The following NBAS variants were observed in gnomAD, a reference collection of about 807,000 sequenced individuals.
The protein encoded by NBAS is NAG/BC035112 fusion.
NBAS carries 219 observed loss-of-function variants against 302.5 expected under a neutral mutation model. That is an observed-to-expected ratio of 0.72 (90% CI 0.65 to 0.81). NBAS has a LOEUF of 0.81. Ranked by LOEUF, NBAS falls within the 30% of genes least tolerant of loss-of-function variation. NBAS has a pLI of 0.00. For missense variants in NBAS, 2,932 were observed against 2,841.6 expected, an observed-to-expected ratio of 1.03 and a Z score of -0.72; for synonymous variants, 1,118 against 1,021.6, an observed-to-expected ratio of 1.09 and a Z score of -1.80.
At chr2:14,918,541 A>AGGATCATTTTCATGTCT in the NBAS span, among the ~76,000 whole-genome samples, 1 of 152,238 alleles carries the variant, frequency 6.6e-6, no homozygotes, top group African/African-American at 2.4e-5. Context: ...GAATTATAAC[A>AGGATCATTTTCATGTCT]GGATCATTTT....
At chr2:15,136,297 G>A in the NBAS span, among the ~76,000 whole-genome samples, 3 of 152,146 alleles carry the variant, frequency 2.0e-5, no homozygotes, top group African/African-American at 7.2e-5. Flanking sequence ...AACTCCCAAT[G>A]GGACAGTCAT....
At chr2:15,353,364 G>A (rs1673458800) in intron 34 of NBAS, among the ~76,000 whole-genome samples, 189 bp downstream of exon 34, 1 of 151,972 alleles carries the variant, frequency 6.6e-6, no homozygotes, top group Admixed American at 6.6e-5. Flanking sequence ...CTTCCTTGCT[G>A]TTATAAAGCC....
At chr2:15,184,298 G>A (rs1382541050) in intron 50 of NBAS, among the ~76,000 whole-genome samples, 1 of 152,088 alleles carries the variant, frequency 6.6e-6, no homozygotes, top group Non-Finnish European at 1.5e-5. Context: ...ACCCCATGGA[G>A]GGGATAGTTT....
chr2:15,103,874 G>C, the NBAS span, among the ~76,000 whole-genome samples: 2 of 152,090 alleles, frequency 1.3e-5, no homozygotes, highest in Non-Finnish European at 2.9e-5. Flanking sequence ...GACTGCGTAA[G>C]TCTATTATTA....
the NBAS span, among the ~76,000 whole-genome samples, chr2:14,978,653 G>C: frequency 6.6e-6 from 1 of 152,150 alleles, no homozygotes; most frequent in Non-Finnish European, 1.5e-5. Flanking sequence ...AATCCTTACA[G>C]ATAAGGAAAC....
chr2:15,134,265 GC>G, the NBAS span, among the ~76,000 whole-genome samples: 1 of 152,212 alleles, frequency 6.6e-6, no homozygotes, highest in Non-Finnish European at 1.5e-5. Context: ...CCTCCTTTCT[GC>G]CCTGCGAGGA....
chr2:14,851,095 G>A, the NBAS span, among the ~76,000 whole-genome samples: 90 of 128,370 alleles, frequency 7.0e-4, 3 homozygotes, highest in African/African-American at 3.3e-3. Context: ...AGAACTGAAG[G>A]AAATAGAGAC....
intron 47 of NBAS, among the ~76,000 whole-genome samples, chr2:15,227,934 A>T (rs1213158453): frequency 6.6e-6 from 1 of 152,222 alleles, no homozygotes; most frequent in Non-Finnish European, 1.5e-5. Context: ...CTGAGAAAAG[A>T]TATTTTGAAT....
the NBAS span, among the ~76,000 whole-genome samples, chr2:14,781,450 G>A: frequency 6.6e-6 from 1 of 151,584 alleles, no homozygotes; most frequent in Non-Finnish European, 1.5e-5. Flanking sequence ...TTCCTACCTG[G>A]GCTACTTAAA....
At chr2:15,287,229 C>T in intron 41 of NBAS, 46 bp from the exon 42 acceptor site, 1 of 1,492,590 alleles carries the variant, frequency 6.7e-7, no homozygotes. Context: ...AGGAGAAACA[C>T]ATGACTTCAA....
At chr2:15,008,581 A>G in the NBAS span, among the ~76,000 whole-genome samples, 1 of 152,172 alleles carries the variant, frequency 6.6e-6, no homozygotes, top group Admixed American at 6.5e-5. Flanking sequence ...ATCACTCTGG[A>G]GAGCCCCTCA....
intron 25 of NBAS, among the ~76,000 whole-genome samples, chr2:15,411,166 G>A (rs963613526): frequency 6.6e-6 from 1 of 152,256 alleles, no homozygotes; most frequent in African/African-American, 2.4e-5. Context: ...GCCCTAAATC[G>A]GCTCCAGGGT....
the NBAS span, among the ~76,000 whole-genome samples, chr2:15,160,632 G>A: frequency 6.7e-6 from 1 of 148,836 alleles, no homozygotes; most frequent in African/African-American, 2.5e-5. Context: ...ATCCCCCAGG[G>A]CCCCTTCAAT....
In NBAS at chr2:15,394,310, T is replaced by C; in HGVS notation, c.3174A>G (p.Pro1058=). Residue 1058 remains proline, a synonymous_variant, in exon 28 of 52, where the codon CCA becomes CCG. Transcript: ENST00000281513. ...ATTGAGTGTTTTTAACAAATGAAAT[T>C]GGTTTCTCGAGTCCATGTTTTTCCA... The part of the protein sequence containing the change: ...ELLEKHGLEK[P]ISFVKNTQSS... 1 of 1,613,236 alleles carries C rather than the reference T, an allele frequency of 6.2e-7. No homozygotes were observed. Among genetic ancestry groups the C allele is most frequent in the East Asian group, 2.2e-5 (1 of 44,804 alleles).
intron 44 of NBAS, among the ~76,000 whole-genome samples, chr2:15,255,060 C>A (rs918895406): frequency 6.6e-6 from 1 of 152,102 alleles, no homozygotes; most frequent in African/African-American, 2.4e-5. Context: ...ATAATGACTT[C>A]TTTTCTTCCG....
At chr2:15,484,631 T>C (rs1680552468) in intron 12 of NBAS, among the ~76,000 whole-genome samples, 1 of 152,206 alleles carries the variant, frequency 6.6e-6, no homozygotes, top group Non-Finnish European at 1.5e-5. Context: ...ACAAATACTA[T>C]TTATTTCCAA....
At chr2:15,476,671 T>C (rs1351078747) in intron 13 of NBAS, among the ~76,000 whole-genome samples, 1 of 151,852 alleles carries the variant, frequency 6.6e-6, no homozygotes, top group Non-Finnish European at 1.5e-5. Flanking sequence ...GCCTAGATGG[T>C]GCCACTACAC....
At chr2:15,270,643 C>A (rs767893270) in intron 44 of NBAS, among the ~76,000 whole-genome samples, 2 of 152,098 alleles carry the variant, frequency 1.3e-5, no homozygotes, top group Non-Finnish European at 2.9e-5. Context: ...TTATACTGTG[C>A]TAGGACATAG....
At chr2:15,209,048 T>C (rs550462696) in intron 48 of NBAS, among the ~76,000 whole-genome samples, 16 of 152,000 alleles carry the variant, frequency 1.1e-4, no homozygotes, top group Non-Finnish European at 2.2e-4. Flanking sequence ...GACAAATCTT[T>C]AGACAGATTA....
Sources: gnomAD v4.1 joint callset for allele counts (sites outside exome capture counted in the v4.1 genomes callset) on GRCh38, gnomAD v4.1.1 for gene constraint, MANE v1.5 for transcripts, NCBI Gene and HGNC (gene_info 2026-07-23, HGNC 2026-07-21) for gene names.